Variants in ANKRD44 observed in about 807,000 individuals in gnomAD.
ANKRD44 encodes serine/threonine-protein phosphatase 6 regulatory ankyrin repeat subunit B.
Under a neutral mutation model 116.0 loss-of-function variants are expected in ANKRD44, and 35 were observed. The ratio of observed to expected loss-of-function variants is 0.30; its 90% CI spans 0.23 to 0.40. ANKRD44 has a LOEUF of 0.40. Ranked by LOEUF, ANKRD44 falls within the 10% of genes least tolerant of loss-of-function variation. ANKRD44 has a pLI of 1.00. For missense variants in ANKRD44, 1,014 were observed against 1,242.6 expected, an observed-to-expected ratio of 0.82 and a Z score of 2.77; for synonymous variants, 435 against 461.8, an observed-to-expected ratio of 0.94 and a Z score of 0.74.
At chr2:197,247,351 C>T (rs1160750814) in intron 1 of ANKRD44, among the ~76,000 whole-genome samples, 5 of 152,146 alleles carry the variant, frequency 3.3e-5, no homozygotes, top group African/African-American at 1.2e-4. Context: ...GGTGGGGTAG[C>T]TGGGCATAGG....
intron 4 of ANKRD44, among the ~76,000 whole-genome samples, chr2:197,128,361 G>GTGGT (rs1169444679): frequency 6.6e-6 from 1 of 152,166 alleles, no homozygotes; most frequent in East Asian, 1.9e-4. Flanking sequence ...GTATCTCATT[G>GTGGT]TGGTTTTGAT....
At chr2:197,155,146 A>C (rs1351909692) in intron 2 of ANKRD44, among the ~76,000 whole-genome samples, 1 of 152,224 alleles carries the variant, frequency 6.6e-6, no homozygotes, top group Non-Finnish European at 1.5e-5. Context: ...CAAATAATGT[A>C]TATTGAGCAA....
At chr2:197,140,670 T>G (rs924555996) in intron 3 of ANKRD44, among the ~76,000 whole-genome samples, 3 of 152,166 alleles carry the variant, frequency 2.0e-5, no homozygotes, top group East Asian at 3.8e-4. Context: ...TATTATGCAC[T>G]TAAACATTTG....
chr2:197,014,832 A>G (rs1246228180), intron 17 of ANKRD44, among the ~76,000 whole-genome samples: 1 of 152,054 alleles, frequency 6.6e-6, no homozygotes, highest in Non-Finnish European at 1.5e-5. Flanking sequence ...CAAAAAACAA[A>G]ACTAAAAGTC....
chr2:196,974,748 G>A (rs2075744724), intron 21 of ANKRD44, among the ~76,000 whole-genome samples: 1 of 151,926 alleles, frequency 6.6e-6, no homozygotes. Flanking sequence ...AAATTAGCTG[G>A]GCATGGTGAC....
chr2:197,186,612 CTTTTTTT>C (rs149107038), intron 2 of ANKRD44, among the ~76,000 whole-genome samples: 87 of 50,808 alleles, frequency 1.7e-3, no homozygotes, highest in Non-Finnish European at 3.0e-3. Flanking sequence ...GCTAATTTTT[CTTTTTTT>C]TTTTTTTTTT....
chr2:197,020,052 G>A (rs2076467841), intron 17 of ANKRD44, among the ~76,000 whole-genome samples: 1 of 152,144 alleles, frequency 6.6e-6, no homozygotes, highest in Non-Finnish European at 1.5e-5. Context: ...CTGGACTCAA[G>A]TGATCCACCT....
intron 25 of ANKRD44, among the ~76,000 whole-genome samples, chr2:196,996,587 G>A (rs1330426503): frequency 1.3e-5 from 2 of 152,150 alleles, no homozygotes; most frequent in Non-Finnish European, 2.9e-5. Flanking sequence ...TTGTGACCTC[G>A]TAAGAGGGCA....
Position 197,125,899 on chromosome 2 carries a change from T to C in ANKRD44, c.400A>G (p.Asn134Asp). ...EVIIPLLSSV[N>D]VSDRGGRTAL... ...GTGCGCCCCCCTCGGTCGGAGACAT[T>C]GACACTGCTCAGCAGGGGAATGATC... Residue 134 changes from asparagine (N) to aspartate (D), a missense_variant, in exon 5 of 28, where the codon AAT becomes GAT. Physicochemically the swap from Asn to Asp is conservative, Grantham distance 23. Coordinates refer to ENST00000282272, the MANE Select transcript of ANKRD44 (RefSeq NM_001195144.2). 6.2e-7 allele frequency: 1 copy of C among 1,614,210 alleles called. No homozygotes were observed. Among genetic ancestry groups the C allele is most frequent in the Non-Finnish European group, 8.5e-7 (1 of 1,180,036 alleles).
intron 21 of ANKRD44, among the ~76,000 whole-genome samples, chr2:196,973,461 TTA>T (rs2075730014): frequency 6.6e-6 from 1 of 152,162 alleles, no homozygotes. Context: ...TATCAATCTT[TTA>T]ATTTATTACT....
chr2:197,182,635 A>G (rs2080537965), intron 2 of ANKRD44, among the ~76,000 whole-genome samples: 2 of 152,120 alleles, frequency 1.3e-5, no homozygotes, highest in African/African-American at 4.8e-5. Flanking sequence ...TATGTGGGAC[A>G]TTGGTTCCAG....
intron 1 of ANKRD44, among the ~76,000 whole-genome samples, chr2:197,207,810 T>A (rs1007808574): frequency 1.3e-5 from 2 of 152,148 alleles, no homozygotes; most frequent in African/African-American, 4.8e-5. Context: ...ACCTTAACAT[T>A]TGGCAACTCA....
chr2:197,148,481 T>G (rs2079561580), intron 2 of ANKRD44, among the ~76,000 whole-genome samples: 2 of 152,354 alleles, frequency 1.3e-5, no homozygotes, highest in African/African-American at 4.8e-5. Context: ...CGCTGTTGAT[T>G]TTAATCATTA....
At chr2:197,078,488 GC>G in intron 16 of ANKRD44, 1 of 1,328,532 alleles carries the variant, frequency 7.5e-7, no homozygotes, top group Admixed American at 2.6e-5. Context: ...GTGCTTAAAA[GC>G]CTTGGGTGGT....
rs543036576 is a variant in ANKRD44, at chr2:197,232,930, C to A, written c.28-45824G>T. On this transcript the variant is annotated intron_variant, in intron 1 of 27. Coordinates refer to ENST00000282272, the MANE Select transcript of ANKRD44 (RefSeq NM_001195144.2). ...TTGTAAAATATTTTGCAAGACAGTT[C>A]TATTATATTTGTTATTTTATTTGAT... 1.8e-3 allele frequency among the ~76,000 whole-genome samples: 277 copies of A among 152,236 alleles called. 2 individuals are homozygous for A. The highest frequency in any genetic ancestry group is 6.1e-3 in the African/African-American group (254 of 41,540).
rs866508008 is a variant in ANKRD44 at position 197,198,628 on chromosome 2, C to G, written c.28-11522G>C. ...CCAACATGGTGAAACCCCGTCTCTACTAAAAATACAAAAAATTAGCCAGGC... is the reference window on the plus strand; with the variant it reads ...CCAACATGGTGAAACCCCGTCTCTAGTAAAAATACAAAAAATTAGCCAGGC... On this transcript the variant is annotated intron_variant, in intron 1 of 27. Transcript: ENST00000282272. Among the ~76,000 whole-genome samples the G allele has an allele frequency of 6.8e-4, 103 of 151,816 alleles. 1 individual carries two copies. Among genetic ancestry groups the G allele is most frequent in the African/African-American group, 2.4e-3 (98 of 41,368 alleles).
At chr2:197,294,824 T>C (rs1489431124) in intron 1 of ANKRD44, among the ~76,000 whole-genome samples, 2 of 152,226 alleles carry the variant, frequency 1.3e-5, no homozygotes, top group East Asian at 1.9e-4. Context: ...GAGTCTCTAC[T>C]TGGGGAATAG....
chr2:197,039,690 T>C (rs1175920048), intron 16 of ANKRD44, among the ~76,000 whole-genome samples: 551 of 27,066 alleles, frequency 0.02, no homozygotes, highest in African/African-American at 0.086. Context: ...CGTGTGTGTG[T>C]GTGTGTGTGT....
At chr2:197,269,885 A>G (rs1559204206) in intron 1 of ANKRD44, among the ~76,000 whole-genome samples, 1 of 152,178 alleles carries the variant, frequency 6.6e-6, no homozygotes, top group African/African-American at 2.4e-5. Context: ...GACTGAGGAG[A>G]GACATCTCAG....
Sources: allele counts gnomAD v4.1 joint callset (sites outside exome capture counted in the v4.1 genomes callset), GRCh38; gene constraint gnomAD v4.1.1; transcripts MANE v1.5; gene names NCBI Gene and HGNC (gene_info 2026-07-23, HGNC 2026-07-21).